Variants in NRXN1 observed in about 807,000 individuals in gnomAD.
NRXN1 encodes the protein neurexin-1.
A neutral mutation model predicts 150.9 loss-of-function variants in NRXN1; 39 were observed. That is an observed-to-expected ratio of 0.26 (90% confidence interval 0.20 to 0.34). NRXN1 has a LOEUF of 0.34. Ranked by LOEUF, NRXN1 falls within the 10% of genes least tolerant of loss-of-function variation. NRXN1 has a pLI of 1.00. For synonymous variants in NRXN1, 924 were observed against 757.0 expected (o/e 1.22, Z -3.62); for missense variants, 1,815 against 1,949.9 (o/e 0.93, Z 1.30).
At position 50,993,311 on chromosome 2, in the gene NRXN1, A is replaced by G. The variant is rs140922130; in HGVS notation, c.772+34191T>C. Among the ~76,000 whole-genome samples the G allele has an allele frequency of 2.0e-5, 3 of 152,086 alleles. No homozygotes were observed. The East Asian group carries it at 5.8e-4, about 30-fold the overall frequency. On this transcript the variant is annotated intron_variant, in intron 2 of 22. Transcript: ENST00000401669. Reference sequence around the variant, plus strand: ...ATTTATACTGTATGCACATTTATATAGTTAGCCTAGGGCTAGTCTCAGTGT... The same window carrying G: ...ATTTATACTGTATGCACATTTATATGGTTAGCCTAGGGCTAGTCTCAGTGT...
intron 2 of NRXN1, among the ~76,000 whole-genome samples, chr2:50,961,496 C>CACA (rs927524249): frequency 6.6e-6 from 1 of 151,466 alleles, no homozygotes; most frequent in Non-Finnish European, 1.5e-5. Context: ...TATTGTCTTC[C>CACA]ACAACAACAA....
At chr2:50,020,380 A>T (rs972280428) in intron 21 of NRXN1, among the ~76,000 whole-genome samples, 1 of 152,222 alleles carries the variant, frequency 6.6e-6, no homozygotes, top group African/African-American at 2.4e-5. Context: ...TCTTAACTGT[A>T]TACTGAAAGT....
intron 5 of NRXN1, among the ~76,000 whole-genome samples, chr2:50,897,748 A>G (rs1196367103): frequency 6.6e-6 from 1 of 152,160 alleles, no homozygotes; most frequent in Non-Finnish European, 1.5e-5. Context: ...CCCAGATCCA[A>G]GGGAAGGTGT....
intron 21 of NRXN1, among the ~76,000 whole-genome samples, chr2:50,009,549 T>C (rs1685306475): frequency 6.6e-6 from 1 of 152,150 alleles, no homozygotes; most frequent in African/African-American, 2.4e-5. Flanking sequence ...CCTTTAGAAA[T>C]GCAAAAACTA....
chr2:49,937,506 T>C (rs1166447802), intron 22 of NRXN1, among the ~76,000 whole-genome samples: 3 of 152,246 alleles, frequency 2.0e-5, no homozygotes, highest in African/African-American at 7.2e-5. Flanking sequence ...TACTTATTTT[T>C]ATTCCAGTGT....
At chr2:50,606,066 TG>T (rs1176584011) in intron 8 of NRXN1, among the ~76,000 whole-genome samples, 2 of 151,902 alleles carry the variant, frequency 1.3e-5, no homozygotes, top group African/African-American at 4.8e-5. Flanking sequence ...CTGGTCAACA[TG>T]GTGAAACCCC....
chr2:50,356,368 AGTATATG>A (rs1204401054), intron 17 of NRXN1, among the ~76,000 whole-genome samples: 1 of 152,230 alleles, frequency 6.6e-6, no homozygotes, highest in African/African-American at 2.4e-5. Context: ...TAAAGTAAGA[AGTATATG>A]CTCCAAAACA....
At chr2:50,348,694 A>C (rs1436340790) in intron 17 of NRXN1, among the ~76,000 whole-genome samples, 1 of 152,188 alleles carries the variant, frequency 6.6e-6, no homozygotes, top group Non-Finnish European at 1.5e-5. Context: ...TAAATTTAAG[A>C]GTAGAAATCT....
chr2:50,097,942 C>G (rs2152705965), intron 18 of NRXN1, among the ~76,000 whole-genome samples: 1 of 152,206 alleles, frequency 6.6e-6, no homozygotes, highest in Non-Finnish European at 1.5e-5. Context: ...CCCAGCCACC[C>G]AAATACATTT....
At chr2:50,461,448 G>A (rs143185605) in intron 17 of NRXN1, among the ~76,000 whole-genome samples, 65 of 151,990 alleles carry the variant, frequency 4.3e-4, no homozygotes, top group East Asian at 1.4e-3. Context: ...TTTTGCATAC[G>A]GTCATAGCCA....
At chr2:50,122,814 G>A (rs544251050) in intron 18 of NRXN1, among the ~76,000 whole-genome samples, 1 of 152,160 alleles carries the variant, frequency 6.6e-6, no homozygotes, top group Non-Finnish European at 1.5e-5. Context: ...ATCAGGCCTA[G>A]TTATGCGATT....
At chr2:50,235,665 GA>G (rs1319909527) in intron 18 of NRXN1, among the ~76,000 whole-genome samples, 1 of 152,022 alleles carries the variant, frequency 6.6e-6, no homozygotes, top group African/African-American at 2.4e-5. Context: ...TTTCTAACAG[GA>G]AAGAACATGA....
chr2:49,938,564 C>T (rs1173771580), intron 22 of NRXN1, among the ~76,000 whole-genome samples: 7 of 152,106 alleles, frequency 4.6e-5, no homozygotes, highest in Non-Finnish European at 1.0e-4. Context: ...TTCAATGGAA[C>T]TCTTCTTTTC....
chr2:50,392,081 C>CTACT (rs1553538800), intron 17 of NRXN1, among the ~76,000 whole-genome samples: 1 of 152,140 alleles, frequency 6.6e-6, no homozygotes, highest in Admixed American at 6.6e-5. Context: ...CTCTCTTGAA[C>CTACT]TACTATCTGT....
chr2:50,977,936 A>G (rs1696121534), intron 2 of NRXN1, among the ~76,000 whole-genome samples: 1 of 151,846 alleles, frequency 6.6e-6, no homozygotes, highest in Non-Finnish European at 1.5e-5. Context: ...CAAATAAAAC[A>G]TCTAAGAAAG....
chr2:50,319,858 A>G (rs1284073128), intron 17 of NRXN1, among the ~76,000 whole-genome samples: 1 of 152,008 alleles, frequency 6.6e-6, no homozygotes, highest in African/African-American at 2.4e-5. Flanking sequence ...TTAAGCTCCA[A>G]CTTCACTATG....
At chr2:50,038,402 A>G (rs1175472952) in intron 21 of NRXN1, among the ~76,000 whole-genome samples, 1 of 152,184 alleles carries the variant, frequency 6.6e-6, no homozygotes, top group African/African-American at 2.4e-5. Flanking sequence ...GAAGAAAAGT[A>G]AATTGCCAGC....
chr2:50,803,154 T>C (rs1343947861), intron 5 of NRXN1, among the ~76,000 whole-genome samples: 2 of 152,198 alleles, frequency 1.3e-5, no homozygotes, highest in African/African-American at 2.4e-5. Flanking sequence ...TCTTATAAAA[T>C]CTGCCTAGCA....
intron 5 of NRXN1, among the ~76,000 whole-genome samples, chr2:50,664,777 T>C (rs1384381901): frequency 7.4e-6 from 1 of 135,078 alleles, no homozygotes; most frequent in Non-Finnish European, 1.6e-5. Flanking sequence ...TTAACATTCC[T>C]AAAAAAAAAA....
Sources: allele counts gnomAD v4.1 joint callset (sites outside exome capture counted in the v4.1 genomes callset), GRCh38; gene constraint gnomAD v4.1.1; transcripts MANE v1.5; gene names NCBI Gene and HGNC (gene_info 2026-07-23, HGNC 2026-07-21).